Variants in SMARCA1 observed in about 807,000 individuals in gnomAD.
SMARCA1 encodes the protein SWI/SNF-related matrix-associated actin-dependent regulator of chromatin subfamily A member 1.
SMARCA1 carries 17 observed loss-of-function variants against 93.6 expected under a neutral mutation model. The ratio of observed to expected loss-of-function variants is 0.18; its 90% CI spans 0.12 to 0.27. SMARCA1 has a LOEUF of 0.27. Among genes scored for constraint, SMARCA1 ranks in the 10% least tolerant of loss-of-function variants. The pLI, the probability that SMARCA1 is intolerant of heterozygous loss-of-function variation, is 1.00. For missense variants in SMARCA1, 630 were observed against 819.0 expected (o/e 0.77, Z 2.82); for synonymous variants, 271 against 271.4 (o/e 1.00, Z 0.01).
At chrX:129,495,229 C>A in intron 12 of SMARCA1, among the ~76,000 whole-genome samples, 1 of 112,944 alleles carries the variant, frequency 8.9e-6, no homozygotes, top group African/African-American at 3.2e-5. Context: ...CTGGAATAAG[C>A]AGGTAAATAA....
intron 23 of SMARCA1, among the ~76,000 whole-genome samples, chrX:129,453,474 C>T (rs991239341): frequency 8.9e-6 from 1 of 111,734 alleles, no homozygotes; most frequent in Non-Finnish European, 1.9e-5. Flanking sequence ...AAGAAATAAA[C>T]GGTATTCAAA....
intron 5 of SMARCA1, 83 bp downstream of exon 5, chrX:129,515,604 G>T (rs1241198121): frequency 6.5e-6 from 4 of 616,478 alleles, no homozygotes; most frequent in Non-Finnish European, 1.1e-5. Context: ...CAGGCATCAG[G>T]GGGGCAGGTA....
chrX:129,476,965 G>C (rs1307841726), intron 19 of SMARCA1, among the ~76,000 whole-genome samples: 1 of 111,879 alleles, frequency 8.9e-6, no homozygotes, highest in Admixed American at 9.5e-5. Flanking sequence ...AAGAGACAAG[G>C]TCCAGAAAGA....
At chrX:129,522,901 G>C (rs1476763210) in intron 1 of SMARCA1, among the ~76,000 whole-genome samples, 1 of 111,315 alleles carries the variant, frequency 9.0e-6, no homozygotes, top group African/African-American at 3.3e-5. Flanking sequence ...GGAAGGTGGA[G>C]GGGGTCGGGG....
intron 19 of SMARCA1, among the ~76,000 whole-genome samples, chrX:129,480,203 G>A (rs1287861870): frequency 1.8e-5 from 2 of 111,840 alleles, no homozygotes; most frequent in African/African-American, 3.3e-5. Context: ...AATACCAAAA[G>A]ATCATTTTAA....
chrX:129,512,151 C>G (rs931865832), intron 5 of SMARCA1, among the ~76,000 whole-genome samples, 168 bp from the exon 6 acceptor site: 13 of 111,647 alleles, frequency 1.2e-4, no homozygotes, highest in Non-Finnish European at 2.1e-4. Context: ...AGAAGATAAC[C>G]AAATCATTCC....
chrX:129,493,129 A>G (rs1934192045), intron 12 of SMARCA1, 54 bp from the exon 13 acceptor site: 1 of 382,394 alleles, frequency 2.6e-6, no homozygotes, highest in East Asian at 4.1e-5. Context: ...GACTTTCACT[A>G]TAGCATTATT....
chrX:129,514,682 G>A (rs1324106806), intron 5 of SMARCA1, among the ~76,000 whole-genome samples: 1 of 111,649 alleles, frequency 9.0e-6, no homozygotes, highest in Non-Finnish European at 1.9e-5. Flanking sequence ...ATAAAGAGAC[G>A]ACAAGGAAAG....
chrX:129,492,345 G>A (rs989272230), intron 13 of SMARCA1, among the ~76,000 whole-genome samples: 1 of 111,394 alleles, frequency 9.0e-6, no homozygotes, highest in Non-Finnish European at 1.9e-5. Flanking sequence ...ATCTTTAAAA[G>A]CTTACATCGA....
At chrX:129,470,043 A>C (rs750426371) in intron 20 of SMARCA1, among the ~76,000 whole-genome samples, 6 of 111,709 alleles carry the variant, frequency 5.4e-5, no homozygotes, top group Non-Finnish European at 1.1e-4. Flanking sequence ...AATCCATACA[A>C]TAAAATTACG....
At chrX:129,464,890 C>A (rs1023900298) in intron 23 of SMARCA1, among the ~76,000 whole-genome samples, 1 of 111,921 alleles carries the variant, frequency 8.9e-6, no homozygotes, top group Non-Finnish European at 1.9e-5. Context: ...CTGAATCTTA[C>A]AATGAGTAAT....
intron 5 of SMARCA1, among the ~76,000 whole-genome samples, 175 bp from the exon 6 acceptor site, chrX:129,512,158 T>A (rs186821822): frequency 1.8e-5 from 2 of 112,147 alleles, no homozygotes; most frequent in Non-Finnish European, 3.8e-5. Context: ...AACCAAATCA[T>A]TCCAATTCAG....
At chrX:129,502,544 T>C (rs1256596282) in intron 9 of SMARCA1, among the ~76,000 whole-genome samples, 1 of 111,581 alleles carries the variant, frequency 9.0e-6, no homozygotes, top group Non-Finnish European at 1.9e-5. Flanking sequence ...GTGAGACAAA[T>C]TTCAGTTGTA....
intron 22 of SMARCA1, 24 bp downstream of exon 22, chrX:129,465,820 A>C (rs770838661): frequency 9.4e-7 from 1 of 1,058,478 alleles, no homozygotes. Flanking sequence ...CGATCTAATA[A>C]TAATTTGACA....
In SMARCA1 at chrX:129,451,921, T is replaced by G. The variant is rs112294676; in HGVS notation, c.3031-3478A>C. 3.6e-4 allele frequency among the ~76,000 whole-genome samples: 40 copies of G among 111,477 alleles called. 1 individual carries two copies. Among genetic ancestry groups the G allele is most frequent in the African/African-American group, 1.2e-3 (37 of 30,714 alleles). On this transcript the variant is annotated intron_variant, in intron 23 of 24. Transcript: ENST00000371121. The stretch of plus-strand genomic sequence containing the variant: ...GGTTTCACCATGTTAGCCAGGATGG[T>G]CTCGATCTCCTGATCTTGTGATCCA...
chrX:129,499,465 G>A (rs1290822076), intron 10 of SMARCA1, among the ~76,000 whole-genome samples: 1 of 111,531 alleles, frequency 9.0e-6, no homozygotes, highest in Non-Finnish European at 1.9e-5. Flanking sequence ...TGGAAATTTA[G>A]GCTATGTAAC....
At chrX:129,506,985 A>C (rs775434810) in intron 7 of SMARCA1, among the ~76,000 whole-genome samples, 4 of 111,913 alleles carry the variant, frequency 3.6e-5, no homozygotes, top group African/African-American at 1.3e-4. Flanking sequence ...ATAAGACCAG[A>C]AAAATTAAGA....
chrX:129,492,154 G>C, intron 13 of SMARCA1, 61 bp from the exon 14 acceptor site: 1 of 678,478 alleles, frequency 1.5e-6, no homozygotes, highest in South Asian at 3.2e-5. Context: ...AGACCATCAG[G>C]GTCCTTAAGA....
At chrX:129,453,974 G>A (rs1395870025) in intron 23 of SMARCA1, among the ~76,000 whole-genome samples, 1 of 111,531 alleles carries the variant, frequency 9.0e-6, no homozygotes, top group Non-Finnish European at 1.9e-5. Context: ...AAAAGAGCCC[G>A]TATAGCCAAG....
Sources: gnomAD v4.1 joint callset for allele counts (sites outside exome capture counted in the v4.1 genomes callset) on GRCh38, gnomAD v4.1.1 for gene constraint, MANE v1.5 for transcripts, NCBI Gene and HGNC (gene_info 2026-07-23, HGNC 2026-07-21) for gene names.